WLS: variants seen among roughly 807,000 people sequenced by gnomAD.
WLS encodes Wnt ligand secretion mediator, also known as protein wntless homolog.
WLS carries 23 observed loss-of-function variants against 62.8 expected under a neutral mutation model. That is an observed-to-expected ratio of 0.37 (90% CI 0.26 to 0.52). The LOEUF is 0.52. Ranked by LOEUF, WLS falls within the 20% of genes least tolerant of loss-of-function variation. WLS has a pLI of 0.92. For synonymous variants in WLS, 246 were observed against 244.1 expected (o/e 1.01, Z -0.07); for missense variants, 615 against 697.3 (o/e 0.88, Z 1.33).
chr1:68,179,079 A>AG (rs1362449799), intron 2 of WLS, among the ~76,000 whole-genome samples: 1 of 152,224 alleles, frequency 6.6e-6, no homozygotes, highest in Non-Finnish European at 1.5e-5. Flanking sequence ...AATGAACACA[A>AG]GGTCGCATGT....
intron 2 of WLS, chr1:68,161,722 G>T (rs376457882): frequency 2.1e-6 from 3 of 1,444,150 alleles, no homozygotes; most frequent in Non-Finnish European, 1.9e-6. Context: ...GGTCCCAAAT[G>T]TATCTGAATG....
chr1:68,129,413 T>C (rs1244355772), intron 11 of WLS, among the ~76,000 whole-genome samples: 1 of 152,242 alleles, frequency 6.6e-6, no homozygotes, highest in Non-Finnish European at 1.5e-5. Context: ...TTATAGCATA[T>C]AAATCAGTGC....
At chr1:68,117,392 C>T (rs576805171) in intron 11 of WLS, 58 of 152,384 alleles carry the variant, frequency 3.8e-4, no homozygotes, top group African/African-American at 1.3e-3. Flanking sequence ...AGAGCCCTAG[C>T]CAAGGCCTTC....
At chr1:68,143,212 G>T (rs1393172768) in intron 10 of WLS, among the ~76,000 whole-genome samples, 1 of 152,170 alleles carries the variant, frequency 6.6e-6, no homozygotes, top group Non-Finnish European at 1.5e-5. Context: ...CTGTACTAGG[G>T]AAACTTCCCA....
intron 1 of WLS, among the ~76,000 whole-genome samples, chr1:68,201,681 G>A (rs961590906): frequency 6.6e-6 from 1 of 152,180 alleles, no homozygotes; most frequent in African/African-American, 2.4e-5. Context: ...AGTTAGTTAT[G>A]CTAACATCTG....
chr1:68,196,404 AAT>A (rs1184096845), intron 1 of WLS, among the ~76,000 whole-genome samples: 1 of 152,050 alleles, frequency 6.6e-6, no homozygotes, highest in Non-Finnish European at 1.5e-5. Flanking sequence ...GTGTGGTTTA[AAT>A]ATGTGTATTT....
chr1:68,217,190 C>A (rs746617786), intron 1 of WLS, among the ~76,000 whole-genome samples: 31 of 152,270 alleles, frequency 2.0e-4, no homozygotes, highest in Middle Eastern at 3.4e-3. Context: ...TAACTACTGA[C>A]CCTTACTCTC....
Position 68,150,254 on chromosome 1 carries a change from G to T in WLS, c.906C>A (p.Ile302=), listed in dbSNP as rs780367266. 5 of 1,614,056 alleles carry T rather than the reference G, an allele frequency of 3.1e-6. No homozygotes were observed. Among genetic ancestry groups the T allele is most frequent in the Non-Finnish European group, 4.2e-6 (5 of 1,180,046 alleles). ...DWTWMLLFGD[I]RQGIFYAMLL... ...GCATCGCATAGAAGATGCCCTGTCG[G>T]ATGTCACCAAACAGCAGCATCCAGG... Residue 302 remains isoleucine (I), a synonymous_variant, in exon 6 of 12, where the codon ATC becomes ATA. Transcript: ENST00000262348.
intron 1 of WLS, among the ~76,000 whole-genome samples, chr1:68,212,841 C>A (rs1649569619): frequency 6.6e-6 from 1 of 152,156 alleles, no homozygotes; most frequent in Non-Finnish European, 1.5e-5. Flanking sequence ...GTGGTAGATT[C>A]CCATACTGAG....
At position 68,153,548 on chromosome 1, in the gene WLS, T is replaced by C. The variant is rs200780624; in HGVS notation, c.772A>G (p.Met258Val). The part of the protein sequence containing the change: ...IMVWYWRRIT[M>V]MSRPPVLLEK... The stretch of plus-strand genomic sequence containing the variant: ...AGAAGCACTGGGGGTCGGGACATCA[T>C]GGTGATCCTCCTCCAATACCACACC... The change falls in exon 5 of 12, where the codon ATG (methionine) becomes GTG (valine). Residue 258 changes from methionine to valine, a missense_variant. Coordinates refer to ENST00000262348, the MANE Select transcript of WLS (RefSeq NM_024911.7). 168 of 1,614,156 alleles carry C rather than the reference T, an allele frequency of 1.0e-4. No individual in the cohort carries two copies. Among genetic ancestry groups the C allele is most frequent in the Non-Finnish European group, 1.4e-4 (160 of 1,180,024 alleles).
At chr1:68,132,422 G>T (rs58911625) in intron 11 of WLS, among the ~76,000 whole-genome samples, 3 of 152,154 alleles carry the variant, frequency 2.0e-5, no homozygotes, top group Non-Finnish European at 4.4e-5. Flanking sequence ...GGGAGATGGC[G>T]TCAATAAAAG....
chr1:68,104,559 C>T (rs1360238441), intron 11 of WLS, among the ~76,000 whole-genome samples: 1 of 152,150 alleles, frequency 6.6e-6, no homozygotes, highest in Non-Finnish European at 1.5e-5. Flanking sequence ...AGGGTCCCTC[C>T]TAGCTCCTTG....
At chr1:68,138,863 G>A (rs556253098) in intron 10 of WLS, among the ~76,000 whole-genome samples, 1 of 152,314 alleles carries the variant, frequency 6.6e-6, no homozygotes, top group East Asian at 1.9e-4. Context: ...AGGCTGCGTT[G>A]TATAAACTTT....
intron 11 of WLS, among the ~76,000 whole-genome samples, chr1:68,131,209 C>G (rs1209444605): frequency 1.1e-5 from 1 of 92,134 alleles, no homozygotes; most frequent in African/African-American, 3.3e-5. Context: ...CCGCACCTGG[C>G]CTTTTTTTTT....
chr1:68,164,366 C>G (rs1428482866), intron 2 of WLS, among the ~76,000 whole-genome samples: 2 of 151,954 alleles, frequency 1.3e-5, no homozygotes, highest in African/African-American at 4.8e-5. Flanking sequence ...TCAAGCAATT[C>G]TCCTGCCTCA....
At chr1:68,197,674 G>A (rs560786199) in intron 1 of WLS, among the ~76,000 whole-genome samples, 1 of 152,236 alleles carries the variant, frequency 6.6e-6, no homozygotes, top group Admixed American at 6.5e-5. Flanking sequence ...TATATAGACA[G>A]CATTATCACG....
intron 2 of WLS, among the ~76,000 whole-genome samples, chr1:68,178,196 C>T (rs1647341545): frequency 6.6e-6 from 1 of 152,230 alleles, no homozygotes; most frequent in Non-Finnish European, 1.5e-5. Flanking sequence ...CAAAACATTT[C>T]CTTTTCCGTG....
At chr1:68,148,073 T>G in intron 8 of WLS, 63 bp downstream of exon 8, 1 of 1,567,860 alleles carries the variant, frequency 6.4e-7, no homozygotes, top group Non-Finnish European at 8.8e-7. Flanking sequence ...CCTTAGAAAA[T>G]GATCTTGGGG....
At chr1:68,209,145 G>C (rs55873222) in intron 1 of WLS, among the ~76,000 whole-genome samples, 42 of 152,226 alleles carry the variant, frequency 2.8e-4, no homozygotes, top group African/African-American at 9.4e-4. Context: ...GCAAGTTCAG[G>C]GGGGGTGTGG....
Sources: allele counts gnomAD v4.1 joint callset (sites outside exome capture counted in the v4.1 genomes callset), GRCh38; gene constraint gnomAD v4.1.1; transcripts MANE v1.5; gene names NCBI Gene and HGNC (gene_info 2026-07-23, HGNC 2026-07-21).